The following RILPL2 variants were observed in gnomAD, a reference collection of about 807,000 sequenced individuals.
RILPL2 encodes the protein Rab interacting lysosomal protein like 2.
In RILPL2, 19 loss-of-function variants were observed where a neutral mutation model predicts 22.2. That is an observed-to-expected ratio of 0.86 (90% confidence interval 0.60 to 1.25). The LOEUF (loss-of-function observed/expected upper bound fraction) is 1.25. Among genes scored for constraint, RILPL2 ranks in the 50% most tolerant of loss-of-function variants. The probability of loss-of-function intolerance (pLI) is 0.00; values close to 1 mark genes in which losing one functional copy is unlikely to be tolerated. For missense variants in RILPL2, 243 were observed against 263.6 expected (o/e 0.92, Z 0.54); for synonymous variants, 123 against 111.6 (o/e 1.10, Z -0.64).
Position 123,415,684 on chromosome 12 carries a change from G to A in RILPL2, c.*207C>T. The stretch of plus-strand genomic sequence containing the variant: ...TCTTGATTTCAGTCTCACTGGCCCA[G>A]GCCAAATCTTCAAGGGTGTCTAGTT... On this transcript the variant is annotated 3_prime_UTR_variant, in exon 4 of 4. Coordinates refer to ENST00000280571, the MANE Select transcript of RILPL2 (RefSeq NM_145058.3). 1.5e-6 allele frequency: 1 copy of A among 680,062 alleles called. No homozygotes were observed. Among genetic ancestry groups the A allele is most frequent in the Non-Finnish European group, 2.6e-6 (1 of 377,376 alleles). The allele number at this position is 680,062 out of a possible 1,614,324, so 42.1% of individuals were successfully genotyped here.
At chr12:123,423,017 AC>A (rs779109176) in intron 3 of RILPL2, 26 bp downstream of exon 3, 1 of 1,509,586 alleles carries the variant, frequency 6.6e-7, no homozygotes. Context: ...ATTTGGCGGG[AC>A]CGGGGGGCAG....
downstream of RILPL2, among the ~76,000 whole-genome samples, chr12:123,410,516 C>A (rs953632028): frequency 6.6e-6 from 1 of 152,194 alleles, no homozygotes; most frequent in African/African-American, 2.4e-5. Flanking sequence ...CCTCCTCCCC[C>A]AAAGATTCAG....
chr12:123,423,659 C>CTT (rs35205288), intron 2 of RILPL2, among the ~76,000 whole-genome samples: 34 of 139,584 alleles, frequency 2.4e-4, no homozygotes, highest in Middle Eastern at 3.8e-3. Context: ...TGCCTCGTTT[C>CTT]TTTTTTTTTT....
chr12:123,430,475 T>C, intron 2 of RILPL2, 33 bp downstream of exon 2: 1 of 1,556,632 alleles, frequency 6.4e-7, no homozygotes. Context: ...GGGCCAGGTC[T>C]GGGTGCAGGA....
intron 3 of RILPL2, among the ~76,000 whole-genome samples, chr12:123,422,074 T>C (rs887336384): frequency 6.8e-6 from 1 of 146,858 alleles, no homozygotes; most frequent in African/African-American, 2.5e-5. Flanking sequence ...GTGATAATAG[T>C]GATAATAGTT....
chr12:123,410,430 C>T (rs1187405170), downstream of RILPL2, among the ~76,000 whole-genome samples: 1 of 152,276 alleles, frequency 6.6e-6, no homozygotes, highest in Admixed American at 6.5e-5. Flanking sequence ...GTTTGTCAGC[C>T]GTGTGACATT....
chr12:123,415,785 TAC>T lies in RILPL2; in HGVS notation c.*104_*105del. 1 of 1,082,448 alleles carries T rather than the reference TAC, an allele frequency of 9.2e-7. No individual in the cohort carries two copies. Among genetic ancestry groups the T allele is most frequent in the Non-Finnish European group, 1.4e-6 (1 of 697,372 alleles). 67.1% of individuals were successfully genotyped at this position (1,082,448 alleles called of 1,614,324 possible). On this transcript the variant is annotated 3_prime_UTR_variant, in exon 4 of 4. Coordinates refer to ENST00000280571, the MANE Select transcript of RILPL2 (RefSeq NM_145058.3). ...CAGTCTGCTTTGAAGGGGAAATAAATACACAGGCCTAGTGTGTCTGTGTGGCA... is the reference window on the plus strand; with the variant it reads ...CAGTCTGCTTTGAAGGGGAAATAAATACAGGCCTAGTGTGTCTGTGTGGCA...
At position 123,436,018 on chromosome 12, in the gene RILPL2, C is replaced by A; in HGVS notation, c.339+64G>T. 2.7e-6 allele frequency: 4 copies of A among 1,507,238 alleles called. No individual in the cohort carries two copies. In the South Asian group the frequency reaches 5.0e-5, roughly 19 times the overall value. 93.4% of individuals were successfully genotyped at this position (1,507,238 alleles called of 1,614,324 possible). ...AAAAGAAAAGGAAGGCGTCTCCCTG[C>A]CAGTAGGTGCCCTCCTACGCCCCGC... On this transcript the variant is annotated intron_variant, in intron 1 of 3. Transcript: ENST00000280571. The surrounding 1 kb of genome is among the most constrained non-coding windows in gnomAD (Gnocchi z 6.7).
At chr12:123,430,988 C>A (rs911907186) in intron 1 of RILPL2, among the ~76,000 whole-genome samples, 1 of 152,212 alleles carries the variant, frequency 6.6e-6, no homozygotes, top group Admixed American at 6.5e-5. Flanking sequence ...CGTGAGCCAC[C>A]GCGCCCGGCC....
intron 3 of RILPL2, among the ~76,000 whole-genome samples, chr12:123,422,204 C>T (rs928185933): frequency 6.8e-6 from 1 of 146,722 alleles, no homozygotes; most frequent in Non-Finnish European, 1.5e-5. Flanking sequence ...GCTAAAAGGC[C>T]GACAAATGAT....
downstream of RILPL2, chr12:123,411,552 C>CTTTTTTT (rs557553934): frequency 1.6e-4 from 14 of 86,214 alleles, 1 homozygote; most frequent in Admixed American, 4.4e-4. Context: ...GCTTGAAAAC[C>CTTTTTTT]TTTTTTTTTT....
chr12:123,429,493 C>T (rs1478917974), intron 2 of RILPL2, among the ~76,000 whole-genome samples: 1 of 151,498 alleles, frequency 6.6e-6, no homozygotes, highest in African/African-American at 2.4e-5. Flanking sequence ...GATGGGGTTT[C>T]ACCATGTTGG....
At chr12:123,421,347 G>A (rs1236440208) in intron 3 of RILPL2, among the ~76,000 whole-genome samples, 1 of 152,102 alleles carries the variant, frequency 6.6e-6, no homozygotes, top group Admixed American at 6.6e-5. Context: ...TAGCTATGGC[G>A]AATCTTAAGG....
At chr12:123,414,392 C>G (rs1263886188), downstream of RILPL2, 4 of 153,296 alleles carry the variant, frequency 2.6e-5, no homozygotes, top group Non-Finnish European at 1.5e-5. Flanking sequence ...CCGGCAGGGC[C>G]CGCCAGCTGC....
intron 2 of RILPL2, among the ~76,000 whole-genome samples, chr12:123,427,210 T>C (rs1435220564): frequency 6.6e-6 from 1 of 152,152 alleles, no homozygotes; most frequent in African/African-American, 2.4e-5. Context: ...GCTGGGGCTG[T>C]CAGCAGGTGC....
rs562216502 is a variant in RILPL2, at chr12:123,416,824, A to G, written c.606-903T>C. 8.5e-5 allele frequency among the ~76,000 whole-genome samples: 13 copies of G among 152,288 alleles called. No homozygotes were observed. In the South Asian group the frequency reaches 2.5e-3, roughly 29 times the overall value. On this transcript the variant is annotated intron_variant, in intron 3 of 3. Coordinates refer to ENST00000280571, the MANE Select transcript of RILPL2 (RefSeq NM_145058.3). Reference sequence around the variant, plus strand: ...TTTGCTCTATTAGGCTCAAACTCCAATTAGGTGTCCTAAGCTCCCGTAGAA... The same window carrying G: ...TTTGCTCTATTAGGCTCAAACTCCAGTTAGGTGTCCTAAGCTCCCGTAGAA...
chr12:123,410,699 TTAA>T (rs931195869), downstream of RILPL2: 1 of 148,028 alleles, frequency 6.8e-6, no homozygotes, highest in Non-Finnish European at 1.5e-5. Flanking sequence ...TTGTGAGGAT[TTAA>T]TGAGTTAATA....
intron 2 of RILPL2, among the ~76,000 whole-genome samples, chr12:123,424,808 C>T (rs753620272): frequency 1.3e-5 from 2 of 151,992 alleles, no homozygotes; most frequent in Non-Finnish European, 1.5e-5. Flanking sequence ...AAATTTACCC[C>T]CATGGTGTTG....
intron 3 of RILPL2, among the ~76,000 whole-genome samples, chr12:123,418,687 T>C (rs1879185229): frequency 6.6e-6 from 1 of 151,958 alleles, no homozygotes; most frequent in Admixed American, 6.6e-5. Context: ...CCAAGGAACT[T>C]TTGAAAAAAA....
Sources: gnomAD v4.1 joint callset for allele counts (sites outside exome capture counted in the v4.1 genomes callset) on GRCh38, gnomAD v4.1.1 for gene constraint, Gnocchi (gnomAD v3.1) non-coding constraint, MANE v1.5 for transcripts, NCBI Gene and HGNC (gene_info 2026-07-23, HGNC 2026-07-21) for gene names.